Variants in PTK2 observed in about 807,000 individuals in gnomAD.
PTK2 encodes protein tyrosine kinase 2.
Under a neutral mutation model 150.1 loss-of-function variants are expected in PTK2, and 45 were observed. The ratio of observed to expected loss-of-function variants is 0.30; its 90% CI spans 0.24 to 0.38. The LOEUF is 0.38. Ranked by LOEUF, PTK2 falls within the 10% of genes least tolerant of loss-of-function variation. The pLI, the probability that PTK2 is intolerant of heterozygous loss-of-function variation, is 1.00. For missense variants in PTK2, 919 were observed against 1,307.3 expected, an observed-to-expected ratio of 0.70 and a Z score of 4.58; for synonymous variants, 432 against 449.2, an observed-to-expected ratio of 0.96 and a Z score of 0.48.
chr8:140,668,515 C>T, intron 29 of PTK2, 91 bp from the exon 34 acceptor site: 1 of 1,395,386 alleles, frequency 7.2e-7, no homozygotes. Context: ...TACAAGAGAT[C>T]AAAGCAGATT....
chr8:140,744,002 C>A (rs931008165), intron 19 of PTK2, among the ~76,000 whole-genome samples: 4 of 151,392 alleles, frequency 2.6e-5, no homozygotes, highest in Non-Finnish European at 4.4e-5. Flanking sequence ...TGTTCTCGAT[C>A]TCCTGATCTT....
At chr8:140,719,888 A>G (rs1417106035) in intron 22 of PTK2, among the ~76,000 whole-genome samples, 1 of 24,916 alleles carries the variant, frequency 4.0e-5, no homozygotes, top group African/African-American at 4.0e-4. Flanking sequence ...TTGTCTCACC[A>G]AAAAAAAAAA....
intron 1 of PTK2, among the ~76,000 whole-genome samples, chr8:140,943,481 A>C (rs577403162): frequency 6.6e-6 from 1 of 152,348 alleles, no homozygotes; most frequent in African/African-American, 2.4e-5. Context: ...TCCATTTACC[A>C]ACTGATGGAT....
Position 140,669,778 on chromosome 8 carries a change from C to T in PTK2, c.2710-1354G>A, listed in dbSNP as rs1589155736. 5 of 1,516,342 alleles carry T rather than the reference C, an allele frequency of 3.3e-6. No individual in the cohort carries two copies. In the East Asian group the frequency reaches 1.2e-4, roughly 37 times the overall value. 93.9% of individuals were successfully genotyped at this position (1,516,342 alleles called of 1,614,324 possible). On this transcript the variant is annotated intron_variant, in intron 29 of 31. Coordinates refer to ENST00000522684, the Ensembl canonical transcript of PTK2. ...GTGAGGAAAAGTTAAAGGAATTTAT[C>T]AGAGAAAGGGAAAAAAGAAAAACAA...
exon 28 of PTK2, chr8:140,675,488 T>C: frequency 6.2e-7 from 1 of 1,611,780 alleles, no homozygotes; most frequent in South Asian, 1.1e-5. Flanking sequence ...GATATATATG[T>C]TGGTTTCCAA....
rs2100086735 is a variant in PTK2, at chr8:140,789,067, C to T, written c.1177+407G>A. On this transcript the variant is annotated intron_variant, in intron 14 of 31. Transcript: ENST00000522684. The stretch of plus-strand genomic sequence containing the variant: ...TATTTTTTAAAAAGCAATACTCAAA[C>T]ACCATATTGTGAAAGACAAAAATTG... Among the ~76,000 whole-genome samples the T allele has an allele frequency of 1.3e-5, 2 of 152,172 alleles. 1 individual carries two copies. The highest frequency in any genetic ancestry group is 4.1e-4 in the South Asian group (2 of 4,828).
chr8:140,934,312 G>T (rs561666574), intron 1 of PTK2, among the ~76,000 whole-genome samples: 127 of 152,266 alleles, frequency 8.3e-4, no homozygotes, highest in African/African-American at 3.0e-3. Context: ...GGAGGCTGAG[G>T]CAGGAGGACA....
At chr8:140,907,726 C>T (rs981741387) in intron 2 of PTK2, among the ~76,000 whole-genome samples, 8 of 152,048 alleles carry the variant, frequency 5.3e-5, no homozygotes, top group African/African-American at 1.9e-4. Flanking sequence ...TTCTGTGATG[C>T]TGATTCATGA....
At chr8:140,673,327 C>G (rs1052450143) in intron 29 of PTK2, among the ~76,000 whole-genome samples, 1 of 152,014 alleles carries the variant, frequency 6.6e-6, no homozygotes, top group Non-Finnish European at 1.5e-5. Context: ...CCAGGCTGGT[C>G]TTGAACTCCT....
At chr8:140,941,946 T>A (rs2100175952) in intron 1 of PTK2, among the ~76,000 whole-genome samples, 1 of 152,082 alleles carries the variant, frequency 6.6e-6, no homozygotes, top group Non-Finnish European at 1.5e-5. Flanking sequence ...TGCAGTGCAG[T>A]GGGGTGAACA....
intron 23 of PTK2, among the ~76,000 whole-genome samples, chr8:140,708,663 G>A (rs1564813712): frequency 6.6e-6 from 1 of 151,996 alleles, no homozygotes. Flanking sequence ...ACCCCAAACA[G>A]GAAAAGGGTA....
At chr8:140,738,691 C>G (rs749607075) in intron 21 of PTK2, among the ~76,000 whole-genome samples, 3 of 151,830 alleles carry the variant, frequency 2.0e-5, no homozygotes, top group Non-Finnish European at 4.4e-5. Flanking sequence ...AATGAGATGG[C>G]AAAGGGAGAG....
intron 14 of PTK2, among the ~76,000 whole-genome samples, chr8:140,780,770 T>A (rs1371977859): frequency 1.3e-5 from 2 of 152,312 alleles, no homozygotes; most frequent in Admixed American, 1.3e-4. Context: ...CTTTTAGGAA[T>A]AGTTACAGGT....
intron 1 of PTK2, among the ~76,000 whole-genome samples, chr8:140,953,795 CT>C (rs1449225765): frequency 6.6e-6 from 1 of 151,848 alleles, no homozygotes; most frequent in East Asian, 1.9e-4. Context: ...ATTTAGTAAT[CT>C]TTTTTTTGAG....
exon 31 of PTK2, chr8:140,664,961 C>T: frequency 6.2e-7 from 1 of 1,613,892 alleles, no homozygotes; most frequent in Non-Finnish European, 8.5e-7. Flanking sequence ...GTCTCATCCA[C>T]AGTGGCCAAT....
chr8:140,800,692 G>A, intron 11 of PTK2, 116 bp from the exon 12 acceptor site: 1 of 729,578 alleles, frequency 1.4e-6, no homozygotes, highest in Non-Finnish European at 2.3e-6. Context: ...GAGTGGGAAT[G>A]AAACAAGATT....
chr8:140,973,882 T>TA (rs902017603), intron 1 of PTK2, among the ~76,000 whole-genome samples: 99 of 152,342 alleles, frequency 6.5e-4, no homozygotes, highest in African/African-American at 2.3e-3. Flanking sequence ...TCTATGCCAC[T>TA]GCTAGATTCC....
At chr8:140,791,917 G>A (rs979247647) in intron 13 of PTK2, among the ~76,000 whole-genome samples, 2 of 152,176 alleles carry the variant, frequency 1.3e-5, no homozygotes, top group Non-Finnish European at 2.9e-5. Flanking sequence ...AATCACACGG[G>A]CTCCTGCAAG....
At chr8:140,822,631 A>C (rs762925470) in intron 8 of PTK2, among the ~76,000 whole-genome samples, 31 of 152,204 alleles carry the variant, frequency 2.0e-4, no homozygotes, top group Non-Finnish European at 4.1e-4. Context: ...TGCTTGATAG[A>C]AGAAACCAGG....
Sources: allele counts gnomAD v4.1 joint callset (sites outside exome capture counted in the v4.1 genomes callset), GRCh38; gene constraint gnomAD v4.1.1; transcripts MANE v1.5; gene names NCBI Gene and HGNC (gene_info 2026-07-23, HGNC 2026-07-21).